Variants in ANKRD11 observed in about 807,000 individuals in gnomAD.
ANKRD11 encodes the protein ankyrin repeat domain 11.
In ANKRD11, 17 loss-of-function variants were observed where a neutral mutation model predicts 195.7. The observed-to-expected ratio is 0.09, with a 90% CI of 0.06 to 0.13. The LOEUF is 0.13. ANKRD11 is among the 10% of genes least tolerant of loss of function. ANKRD11 has a pLI of 1.00. For missense variants in ANKRD11, 3,735 were observed against 3,566.1 expected (o/e 1.05, Z -1.21); for synonymous variants, 1,953 against 1,528.1 (o/e 1.28, Z -6.49).
At chr16:89,483,722 G>A (rs2057517016) in intron 1 of ANKRD11, among the ~76,000 whole-genome samples, 2 of 152,060 alleles carry the variant, frequency 1.3e-5, no homozygotes, top group African/African-American at 4.8e-5. Flanking sequence ...CAGCTACTCG[G>A]GAAGATGAGG....
At chr16:89,298,447 T>G (rs982221267) in intron 4 of ANKRD11, 1 of 152,290 alleles carries the variant, frequency 6.6e-6, no homozygotes, top group Non-Finnish European at 1.5e-5. Context: ...ACAGCAGAGC[T>G]TTATGGATGA....
Position 89,281,600 on chromosome 16 carries a change from G to T in ANKRD11, c.4942C>A (p.Pro1648Thr). ...PAKKPPGLDPPFKDKKLKEST... is the reference protein window; with the variant it reads ...PAKKPPGLDPTFKDKKLKEST... ...TCTTTGAGCTTTTTGTCTTTAAATG[G>T]AGGGTCCAGCCCCGGCGGTTTCTTA... The change falls in exon 9 of 13, where the codon CCA becomes ACA. Residue 1648 changes from proline to threonine, a missense_variant. Physicochemically the swap from Pro to Thr is conservative, Grantham distance 38 (BLOSUM62 -1). Coordinates refer to ENST00000301030, the MANE Select transcript of ANKRD11 (RefSeq NM_013275.6). The surrounding 1 kb of genome is among the most constrained non-coding windows in gnomAD (Gnocchi z 5.5). 6.2e-7 allele frequency: 1 copy of T among 1,614,172 alleles called. No homozygotes were observed. The highest frequency in any genetic ancestry group is 1.1e-5 in the South Asian group (1 of 91,080).
chr16:89,277,049 C>A (rs1407762344), intron 9 of ANKRD11, among the ~76,000 whole-genome samples: 15 of 91,652 alleles, frequency 1.6e-4, no homozygotes, highest in Non-Finnish European at 8.9e-5. Flanking sequence ...GAGTGAGACT[C>A]TGTCTTAAAA....
In ANKRD11 at chr16:89,280,362, G is replaced by T. The variant is rs755165956; in HGVS notation, c.6180C>A (p.Ser2060=). 6.4e-7 allele frequency: 1 copy of T among 1,568,930 alleles called. No individual in the cohort carries two copies. Among genetic ancestry groups the T allele is most frequent in the Non-Finnish European group, 8.6e-7 (1 of 1,157,950 alleles). Residue 2060 remains serine (S), a synonymous_variant, in exon 9 of 13, where the codon TCC becomes TCA. Coordinates refer to ENST00000301030, the MANE Select transcript of ANKRD11 (RefSeq NM_013275.6). The stretch of plus-strand genomic sequence containing the variant: ...AGTTGCTGAAGAAGGACTCCAGCCC[G>T]GAGGGAGGGGCGTAGGGAGCCGCCT... ...TSEAAPYAPP[S]GLESFFSNCK...
At chr16:89,275,291 T>G in intron 9 of ANKRD11, 100 bp from the exon 10 acceptor site, 1 of 1,018,272 alleles carries the variant, frequency 9.8e-7, no homozygotes, top group Admixed American at 2.1e-5. Flanking sequence ...GCCTCCCCAC[T>G]CCTAGGAGCC....
intron 1 of ANKRD11, among the ~76,000 whole-genome samples, chr16:89,482,861 C>T (rs955367716): frequency 2.6e-5 from 4 of 152,236 alleles, no homozygotes; most frequent in Non-Finnish European, 2.9e-5. Flanking sequence ...GAAAGCACTA[C>T]AGGCCGAATG....
At chr16:89,353,869 A>C (rs1265224736) in intron 2 of ANKRD11, among the ~76,000 whole-genome samples, 2 of 152,234 alleles carry the variant, frequency 1.3e-5, no homozygotes, top group East Asian at 3.8e-4. Context: ...CACCCGAAAC[A>C]AGACAGAGCA....
chr16:89,396,259 G>C (rs1453662886), intron 2 of ANKRD11, among the ~76,000 whole-genome samples: 4 of 152,210 alleles, frequency 2.6e-5, no homozygotes, highest in African/African-American at 9.6e-5. Context: ...TCCACGTCGG[G>C]AGATGCACAC....
chr16:89,476,401 C>T (rs1214787190), intron 1 of ANKRD11, among the ~76,000 whole-genome samples: 2 of 152,172 alleles, frequency 1.3e-5, no homozygotes, highest in South Asian at 2.1e-4. Flanking sequence ...TTGGGTTATT[C>T]GTAGAATAGC....
intron 3 of ANKRD11, among the ~76,000 whole-genome samples, chr16:89,316,578 C>T (rs2151917465): frequency 6.6e-6 from 1 of 152,350 alleles, no homozygotes; most frequent in African/African-American, 2.4e-5. Context: ...TAACGTGGCC[C>T]AGCATTGCTT....
intron 2 of ANKRD11, among the ~76,000 whole-genome samples, chr16:89,330,544 A>AT (rs2037994316): frequency 6.7e-6 from 1 of 149,766 alleles, no homozygotes; most frequent in African/African-American, 2.4e-5. Context: ...CAGTGCAGTC[A>AT]TTGATGGGGT....
chr16:89,393,569 G>A (rs1342503401), intron 2 of ANKRD11, among the ~76,000 whole-genome samples: 12 of 145,322 alleles, frequency 8.3e-5, no homozygotes, highest in African/African-American at 2.3e-4. Context: ...TCGAACTCCC[G>A]ACCTCAGAGT....
intron 1 of ANKRD11, among the ~76,000 whole-genome samples, chr16:89,465,128 T>A (rs2056839386): frequency 6.6e-6 from 1 of 152,234 alleles, no homozygotes; most frequent in African/African-American, 2.4e-5. Flanking sequence ...TGGCCCCGGT[T>A]CCTTCCATGA....
chr16:89,324,550 G>A (rs982581142), intron 2 of ANKRD11: 2 of 455,836 alleles, frequency 4.4e-6, no homozygotes, highest in Non-Finnish European at 8.8e-6. Flanking sequence ...AGTGGACGGG[G>A]AGAGGCCGAC....
chr16:89,395,375 T>C (rs2041381201), intron 2 of ANKRD11, among the ~76,000 whole-genome samples: 1 of 152,234 alleles, frequency 6.6e-6, no homozygotes, highest in Non-Finnish European at 1.5e-5. Context: ...AGCCCAGTCC[T>C]GCACTGCGGG....
At chr16:89,347,385 G>T (rs541025718) in intron 2 of ANKRD11, among the ~76,000 whole-genome samples, 2 of 152,216 alleles carry the variant, frequency 1.3e-5, no homozygotes, top group South Asian at 4.2e-4. Context: ...CAAGATAGGC[G>T]GATCACGAGG....
chr16:89,369,395 G>A (rs1311594235), intron 2 of ANKRD11, among the ~76,000 whole-genome samples: 3 of 152,236 alleles, frequency 2.0e-5, no homozygotes, highest in Non-Finnish European at 4.4e-5. Flanking sequence ...CCTGCCACAG[G>A]GAGGGCTGTG....
rs976286165 is a variant in ANKRD11 at position 89,475,726 on chromosome 16, C to G, written c.-145+14519G>C. 3.2e-4 allele frequency among the ~76,000 whole-genome samples: 49 copies of G among 152,046 alleles called. 1 individual carries two copies. The highest frequency in any genetic ancestry group is 4.4e-5 in the Non-Finnish European group (3 of 68,002). On this transcript the variant is annotated intron_variant, in intron 1 of 12. Transcript: ENST00000301030. The stretch of plus-strand genomic sequence containing the variant: ...CTCCACGAAACACAAAATGCTCTCC[C>G]AAGTTTAAAGAGGGATAAGGAACAC...
At chr16:89,387,270 G>T (rs1159150080) in intron 2 of ANKRD11, among the ~76,000 whole-genome samples, 1 of 152,068 alleles carries the variant, frequency 6.6e-6, no homozygotes, top group African/African-American at 2.4e-5. Flanking sequence ...GGCCTGAATG[G>T]TGGGAGTGCC....
Sources: gnomAD v4.1 joint callset for allele counts (sites outside exome capture counted in the v4.1 genomes callset) on GRCh38, gnomAD v4.1.1 for gene constraint, Gnocchi (gnomAD v3.1) non-coding constraint, MANE v1.5 for transcripts, NCBI Gene and HGNC (gene_info 2026-07-23, HGNC 2026-07-21) for gene names.